The following PLCXD1 variants were observed in gnomAD, a reference collection of about 807,000 sequenced individuals.
PLCXD1 encodes the protein PI-PLC X domain-containing protein 1.
In PLCXD1, 45 loss-of-function variants were observed where a neutral mutation model predicts 37.8. The ratio of observed to expected loss-of-function variants is 1.19; its 90% CI spans 0.94 to 1.53. The LOEUF is 1.53. Among genes scored for constraint, PLCXD1 ranks in the 40% most tolerant of loss-of-function variants. The probability of loss-of-function intolerance (pLI) is 0.00; values close to 1 mark genes in which losing one functional copy is unlikely to be tolerated. For synonymous variants in PLCXD1, 246 were observed against 206.9 expected, an observed-to-expected ratio of 1.19 and a Z score of -1.62; for missense variants, 539 against 454.7, an observed-to-expected ratio of 1.19 and a Z score of -1.69.
chrX:286,837 C>T (rs2069462486), intron 2 of PLCXD1, among the ~76,000 whole-genome samples: 1 of 152,012 alleles, frequency 6.6e-6, no homozygotes, highest in African/African-American at 2.4e-5. Context: ...TTGCTTTCTC[C>T]TGTCTTATAA....
At position 299,161 on chromosome X, in the gene PLCXD1, C is replaced by T. The variant is rs144874603; in HGVS notation, c.798C>T (p.Ser266=). ...TGCAGTACGTTCTGGCGCACCCGTC[C>T]GAGTCCCTGGAGAAGATGACGCTGC... ...ENLQYVLAHP[S]ESLEKMTLPN... is the part of the protein sequence containing the mutation. Residue 266 remains serine (S), a synonymous_variant, in exon 7 of 7, where the codon TCC becomes TCT. Coordinates refer to ENST00000381657, the MANE Select transcript of PLCXD1 (RefSeq NM_018390.4). The T allele has an allele frequency of 9.5e-5, 153 of 1,613,824 alleles. No homozygotes were observed. Among genetic ancestry groups the T allele is most frequent in the Non-Finnish European group, 1.1e-4 (131 of 1,179,878 alleles).
Position 299,488 on chromosome X carries a change from T to A in PLCXD1, c.*153T>A. On this transcript the variant is annotated 3_prime_UTR_variant, in exon 7 of 7. Transcript: ENST00000381657. ...AAAATAGAGATGGGGTGGCTGGGCG[T>A]GGTGACTTCGCCTGTCTTCCCAGCA... 1 of 674,080 alleles carries A rather than the reference T, an allele frequency of 1.5e-6. No individual in the cohort carries two copies. Among genetic ancestry groups the A allele is most frequent in the Middle Eastern group, 4.1e-4 (1 of 2,436 alleles). The allele number at this position is 674,080 out of a possible 1,614,324, so 41.8% of individuals were successfully genotyped here. A position where few individuals can be genotyped will look rare whatever the true frequency, so the allele number is the denominator to read the frequency against.
chrX:282,956 T>A (rs866183048), intron 1 of PLCXD1, among the ~76,000 whole-genome samples: 1 of 143,626 alleles, frequency 7.0e-6, no homozygotes, highest in Non-Finnish European at 1.5e-5. Flanking sequence ...TATATATATA[T>A]TATATATGTA....
chrX:281,236 G>C, upstream of PLCXD1: 1 of 230,918 alleles, frequency 4.3e-6, no homozygotes, highest in Non-Finnish European at 8.7e-6. Context: ...TCCCTCCTGG[G>C]GACCCGGAGC....
At chrX:286,212 G>A (rs1393189349) in intron 2 of PLCXD1, among the ~76,000 whole-genome samples, 2 of 151,974 alleles carry the variant, frequency 1.3e-5, no homozygotes, top group African/African-American at 2.4e-5. Flanking sequence ...TTACAGGCAC[G>A]CTCCACTATG....
At chrX:292,962 C>T in intron 5 of PLCXD1, 73 bp from the exon 6 acceptor site, 1 of 1,086,888 alleles carries the variant, frequency 9.2e-7, no homozygotes. Context: ...TCCCGACTTC[C>T]CAGCCCTCCG....
intron 6 of PLCXD1, among the ~76,000 whole-genome samples, chrX:295,099 G>A (rs1164757902): frequency 4.0e-5 from 6 of 151,302 alleles, no homozygotes; most frequent in East Asian, 1.9e-4. Context: ...GAACCCGGGG[G>A]CGGAGGCTGC....
At chrX:287,492 AT>A (rs1448587109) in intron 2 of PLCXD1, among the ~76,000 whole-genome samples, 97 of 127,244 alleles carry the variant, frequency 7.6e-4, no homozygotes, top group African/African-American at 3.1e-3. Flanking sequence ...TTATATATAG[AT>A]ATAGATACTA....
At position 295,807 on chromosome X, in the gene PLCXD1, G is replaced by A. The variant is rs773318750; in HGVS notation, c.733+2589G>A. Among the ~76,000 whole-genome samples the A allele has an allele frequency of 4.6e-5, 7 of 151,216 alleles. No homozygotes were observed. In the South Asian group the frequency reaches 1.5e-3, roughly 32 times the overall value. ...CTCCCAAAGTGCTGGGATGACAGGC[G>A]TGAGCCACGGTGCCAGGCGGAAAAT... On this transcript the variant is annotated intron_variant, in intron 6 of 6. Transcript: ENST00000381657.
chrX:290,458 G>A (rs1402642328), intron 3 of PLCXD1, among the ~76,000 whole-genome samples, 190 bp from the exon 4 acceptor site: 7 of 151,064 alleles, frequency 4.6e-5, no homozygotes, highest in East Asian at 3.9e-4. Context: ...CCAGGTCCCC[G>A]GAGATGAGGT....
chrX:284,205 C>T lies in PLCXD1; in HGVS notation c.18C>T (p.Ser6=), dbSNP rs1161932823. The part of the protein sequence containing the change: MGGQV[S]ASNSFSRLHC... ...CACCTCTGATGGGTGGGCAGGTGAG[C>T]GCTTCCAACAGCTTCTCGAGGCTGC... Residue 6 remains serine, a synonymous_variant, in exon 2 of 7, where the codon AGC becomes AGT. Coordinates refer to ENST00000381657, the MANE Select transcript of PLCXD1 (RefSeq NM_018390.4). 8 of 1,613,206 alleles carry T rather than the reference C, an allele frequency of 5.0e-6. No homozygotes were observed. Among genetic ancestry groups the T allele is most frequent in the African/African-American group, 2.7e-5 (2 of 74,884 alleles).
At chrX:295,049 A>G (rs28521683) in intron 6 of PLCXD1, among the ~76,000 whole-genome samples, 37,111 of 151,210 alleles carry the variant, frequency 0.25, 4,700 homozygotes, top group African/African-American at 0.31. Context: ...GTGCACCTGT[A>G]ATCCCAGCTC....
At chrX:283,863 C>CCT (rs915381473) in intron 1 of PLCXD1, 40 of 200,350 alleles carry the variant, frequency 2.0e-4, no homozygotes, top group South Asian at 9.5e-4. Context: ...GACCCCTTTT[C>CCT]CTCTCTCTCT....
rs187887779 is a variant in PLCXD1 at position 290,997 on chromosome X, G to A, written c.393+221G>A. ...GGCTGAGGTGGGAAGCAAGGGGGAC[G>A]GCGGGAGGTGGCCAAGCTCCCGTGG... On this transcript the variant is annotated intron_variant, in intron 4 of 6. Transcript: ENST00000381657. Among the ~76,000 whole-genome samples, 70 of 147,888 alleles carry A rather than the reference G, an allele frequency of 4.7e-4. 1 individual carries two copies. Among genetic ancestry groups the A allele is most frequent in the African/African-American group, 1.6e-3 (62 of 38,584 alleles).
chrX:276,419 T>C (rs1194697404), upstream of PLCXD1: 1 of 152,200 alleles, frequency 6.6e-6, no homozygotes, highest in African/African-American at 2.4e-5. Flanking sequence ...CCCGTTCTCC[T>C]GATGGCAAGT....
chrX:300,300 C>T lies in PLCXD1; in HGVS notation c.*965C>T, dbSNP rs2069963275. On this transcript the variant is annotated 3_prime_UTR_variant, in exon 7 of 7. Transcript: ENST00000381657. The stretch of plus-strand genomic sequence containing the variant: ...ACTAATTACTAAACACAGTGACAGC[C>T]CACTTAGGAGCCGGCCTCCCCTGTC... 1 of 152,142 alleles carries T rather than the reference C, an allele frequency of 6.6e-6. No individual in the cohort carries two copies. Among genetic ancestry groups the T allele is most frequent in the Admixed American group, 6.6e-5 (1 of 15,232 alleles). 9.4% of individuals were successfully genotyped at this position (152,142 alleles called of 1,614,324 possible).
Position 290,656 on chromosome X carries a change from C to T in PLCXD1, c.273C>T (p.Asp91=), listed in dbSNP as rs1420905878. ...VLKWSVTQAL[D]VTEQLDAGVR... Reference sequence around the variant, plus strand: ...GCAGCCTCTGTCCACAGGCACTGGACGTCACAGAGCAGCTGGATGCCGGGG... The same window carrying T: ...GCAGCCTCTGTCCACAGGCACTGGATGTCACAGAGCAGCTGGATGCCGGGG... Residue 91 remains aspartate (D), a synonymous_variant, in exon 4 of 7, where the codon GAC becomes GAT. Transcript: ENST00000381657. The T allele has an allele frequency of 1.5e-5, 24 of 1,613,620 alleles. No individual in the cohort carries two copies. Among genetic ancestry groups the T allele is most frequent in the Admixed American group, 1.3e-4 (8 of 59,984 alleles).
intron 1 of PLCXD1, among the ~76,000 whole-genome samples, chrX:282,116 C>T (rs1484670444): frequency 6.6e-6 from 1 of 152,156 alleles, no homozygotes; most frequent in Non-Finnish European, 1.5e-5. Flanking sequence ...GTGAAACTGT[C>T]AACAGGCTGA....
In PLCXD1 at chrX:299,800, C is replaced by G. The variant is rs34986674; in HGVS notation, c.*465C>G. On this transcript the variant is annotated 3_prime_UTR_variant, in exon 7 of 7. Coordinates refer to ENST00000381657, the MANE Select transcript of PLCXD1 (RefSeq NM_018390.4). Reference sequence around the variant, plus strand: ...CGAGTGTGCAGTGACTCACGCCTGTCATCCCAGCACTTTGGGAGGCGAAGG... The same window carrying G: ...CGAGTGTGCAGTGACTCACGCCTGTGATCCCAGCACTTTGGGAGGCGAAGG... The G allele has an allele frequency of 1.2e-3, 206 of 168,076 alleles. No homozygotes were observed. Among genetic ancestry groups the G allele is most frequent in the Non-Finnish European group, 2.3e-3 (180 of 78,048 alleles). 10.4% of individuals were successfully genotyped at this position (168,076 alleles called of 1,614,324 possible).
Sources: gnomAD v4.1 joint callset for allele counts (sites outside exome capture counted in the v4.1 genomes callset) on GRCh38, gnomAD v4.1.1 for gene constraint, MANE v1.5 for transcripts, NCBI Gene and HGNC (gene_info 2026-07-23, HGNC 2026-07-21) for gene names.